HIVEP3: variants seen among roughly 807,000 people sequenced by gnomAD.
The protein encoded by HIVEP3 is HIVEP zinc finger 3, also known as transcription factor HIVEP3.
HIVEP3 carries 49 observed loss-of-function variants against 152.8 expected under a neutral mutation model. The observed-to-expected ratio is 0.32, with a 90% CI of 0.26 to 0.41. The LOEUF is 0.41. HIVEP3 is among the 10% of genes least tolerant of loss of function. The pLI is 1.00. For synonymous variants in HIVEP3, 1,269 were observed against 1,289.0 expected (o/e 0.98, Z 0.33); for missense variants, 2,790 against 3,103.3 (o/e 0.90, Z 2.40).
intron 2 of HIVEP3, among the ~76,000 whole-genome samples, chr1:41,655,582 CAAAAAAAAAA>C (rs55918119): frequency 8.7e-5 from 5 of 57,408 alleles, no homozygotes; most frequent in African/African-American, 3.4e-4. Flanking sequence ...CACTCCATCT[CAAAAAAAAAA>C]AAAAAAAAAA....
At chr1:41,547,910 C>A (rs12122283) in intron 5 of HIVEP3, among the ~76,000 whole-genome samples, 27,272 of 152,042 alleles carry the variant, frequency 0.18, 3,034 homozygotes, top group Non-Finnish European at 0.26. Flanking sequence ...GCTTCCCCTC[C>A]TCTCTGGCCA....
At chr1:41,768,183 C>T (rs1157374143) in intron 1 of HIVEP3, among the ~76,000 whole-genome samples, 1 of 152,206 alleles carries the variant, frequency 6.6e-6, no homozygotes, top group Non-Finnish European at 1.5e-5. Flanking sequence ...AATGGACTTA[C>T]AGTTCCACAT....
intron 3 of HIVEP3, among the ~76,000 whole-genome samples, chr1:41,623,095 G>A (rs1431840619): frequency 6.6e-6 from 1 of 152,188 alleles, no homozygotes; most frequent in Non-Finnish European, 1.5e-5. Flanking sequence ...CCAAGCTCCA[G>A]GGCTTCAGTG....
chr1:41,522,891 G>T (rs1642799482), intron 6 of HIVEP3, among the ~76,000 whole-genome samples: 1 of 152,182 alleles, frequency 6.6e-6, no homozygotes, highest in Non-Finnish European at 1.5e-5. Context: ...CTGGCAGTGT[G>T]GTCCCCTGGA....
At chr1:41,957,631 GAAA>G in intron 1 of HIVEP3, among the ~76,000 whole-genome samples, 1 of 152,190 alleles carries the variant, frequency 6.6e-6, no homozygotes, top group African/African-American at 2.4e-5. Flanking sequence ...ATTGGACATG[GAAA>G]GAAAGCTCAG....
intron 3 of HIVEP3, among the ~76,000 whole-genome samples, chr1:41,596,379 C>T (rs981216598): frequency 6.6e-6 from 1 of 152,082 alleles, no homozygotes; most frequent in African/African-American, 2.4e-5. Context: ...AACCTAGAGT[C>T]CATAGATAGC....
Position 41,584,199 on chromosome 1 carries a change from G to A in HIVEP3, c.599C>T (p.Pro200Leu). The A allele has an allele frequency of 1.9e-6, 3 of 1,614,210 alleles. No individual in the cohort carries two copies. The highest frequency in any genetic ancestry group is 2.5e-6 in the Non-Finnish European group (3 of 1,180,044). The stretch of plus-strand genomic sequence containing the variant: ...CTGGAGCACGCTGGGCTTGGCACAG[G>A]GCCGGCTGCAGTACTGGCAGATGTA... ...GKYICQYCSRPCAKPSVLQKH... is the reference protein window; with the variant it reads ...GKYICQYCSRLCAKPSVLQKH... The change falls in exon 4 of 9, where the codon CCC becomes CTC. Residue 200 changes from proline (P) to leucine (L), a missense_variant. By Grantham distance (98) the Pro-to-Leu change is moderately conservative (BLOSUM62 -3). Transcript: ENST00000372583. The surrounding 1 kb of genome is among the most constrained non-coding windows in gnomAD (Gnocchi z 5.2).
chr1:41,827,563 T>G (rs1050973624), intron 1 of HIVEP3, among the ~76,000 whole-genome samples: 2 of 152,020 alleles, frequency 1.3e-5, no homozygotes, highest in African/African-American at 4.8e-5. Flanking sequence ...AATCCCACTT[T>G]CCCCTCCCCC....
intron 1 of HIVEP3, among the ~76,000 whole-genome samples, chr1:41,715,055 C>T (rs560878351): frequency 1.1e-4 from 16 of 152,092 alleles, no homozygotes; most frequent in Middle Eastern, 3.4e-3. Context: ...CTAAAGATAA[C>T]GAAGGCTCTC....
At chr1:42,022,300 C>G (rs560379602) in intron 1 of HIVEP3, among the ~76,000 whole-genome samples, 1 of 152,218 alleles carries the variant, frequency 6.6e-6, no homozygotes, top group South Asian at 2.1e-4. Flanking sequence ...GCCCTTTCCC[C>G]AAAGCACCTT....
intron 3 of HIVEP3, among the ~76,000 whole-genome samples, chr1:41,612,777 C>A (rs1644916822): frequency 6.6e-6 from 1 of 152,220 alleles, no homozygotes; most frequent in South Asian, 2.1e-4. Flanking sequence ...AGAATCATCA[C>A]CGTCCTAAGT....
chr1:41,531,957 T>G (rs1481504093), intron 5 of HIVEP3, among the ~76,000 whole-genome samples: 2 of 96,104 alleles, frequency 2.1e-5, no homozygotes, highest in African/African-American at 4.4e-5. Context: ...ACAGGAGAAA[T>G]GGAAGACAGG....
At chr1:41,641,069 C>T (rs10890154) in intron 2 of HIVEP3, among the ~76,000 whole-genome samples, 74,247 of 152,148 alleles carry the variant, frequency 0.49, 18,573 homozygotes, top group Non-Finnish European at 0.54. Flanking sequence ...CCCTCTTCCT[C>T]TTCTGGTTAC....
At chr1:41,619,418 A>C (rs1645014883) in intron 3 of HIVEP3, among the ~76,000 whole-genome samples, 1 of 152,238 alleles carries the variant, frequency 6.6e-6, no homozygotes, top group Non-Finnish European at 1.5e-5. Context: ...TATGTTTTTA[A>C]GATCTCACAA....
At chr1:41,801,913 T>C (rs887663507) in intron 1 of HIVEP3, among the ~76,000 whole-genome samples, 1 of 152,152 alleles carries the variant, frequency 6.6e-6, no homozygotes, top group Non-Finnish European at 1.5e-5. Flanking sequence ...TTGCAGGATC[T>C]GAAGCTGGTA....
chr1:41,768,902 C>T (rs1648176081), intron 1 of HIVEP3, among the ~76,000 whole-genome samples: 1 of 152,264 alleles, frequency 6.6e-6, no homozygotes, highest in African/African-American at 2.4e-5. Context: ...GGCTGTTCCT[C>T]AGGACCTCAG....
chr1:41,657,670 C>T (rs965554170), intron 2 of HIVEP3, among the ~76,000 whole-genome samples: 1 of 152,198 alleles, frequency 6.6e-6, no homozygotes, highest in Non-Finnish European at 1.5e-5. Flanking sequence ...ACATCTGTCA[C>T]CCTGTAGGTA....
intron 1 of HIVEP3, among the ~76,000 whole-genome samples, chr1:42,014,194 C>T (rs1209964629): frequency 6.6e-6 from 1 of 152,154 alleles, no homozygotes; most frequent in African/African-American, 2.4e-5. Flanking sequence ...AGAGCAGATA[C>T]ATGTCCCTTC....
chr1:41,883,436 G>A (rs2124429760), intron 1 of HIVEP3, among the ~76,000 whole-genome samples: 1 of 152,296 alleles, frequency 6.6e-6, no homozygotes, highest in African/African-American at 2.4e-5. Flanking sequence ...GGGGTGGACA[G>A]CTAATGCCCA....
Sources: gnomAD v4.1 joint callset for allele counts (sites outside exome capture counted in the v4.1 genomes callset) on GRCh38, gnomAD v4.1.1 for gene constraint, Gnocchi (gnomAD v3.1) non-coding constraint, MANE v1.5 for transcripts, NCBI Gene and HGNC (gene_info 2026-07-23, HGNC 2026-07-21) for gene names.